Variants in HNRNPA2B1 observed in about 807,000 individuals in gnomAD.
The protein encoded by HNRNPA2B1 is heterogeneous nuclear ribonucleoproteins A2/B1.
A neutral mutation model predicts 46.3 loss-of-function variants in HNRNPA2B1; 3 were observed. That is an observed-to-expected ratio of 0.06 (90% CI 0.03 to 0.17). HNRNPA2B1 has a LOEUF of 0.17. Ranked by LOEUF, HNRNPA2B1 falls within the 10% of genes least tolerant of loss-of-function variation. The probability of loss-of-function intolerance (pLI) is 1.00; values close to 1 mark genes in which losing one functional copy is unlikely to be tolerated. For missense variants in HNRNPA2B1, 221 were observed against 418.9 expected (o/e 0.53, Z 4.12); for synonymous variants, 225 against 133.8 (o/e 1.68, Z -4.70).
chr7:26,197,756 ATTTT>A, intron 1 of HNRNPA2B1, 24 bp from the exon 2 acceptor site: 1 of 1,601,744 alleles, frequency 6.2e-7, no homozygotes, highest in Non-Finnish European at 8.5e-7. Context: ...TACCATTTCA[ATTTT>A]TATTTACATT....
intron 1 of HNRNPA2B1, chr7:26,199,110 C>G (rs1784041322): frequency 6.6e-6 from 1 of 152,394 alleles, no homozygotes; most frequent in African/African-American, 2.4e-5. Flanking sequence ...TAGGTTATCT[C>G]TAAACTGAAA....
At chr7:26,200,090 A>G (rs939096358) in intron 1 of HNRNPA2B1, 3 of 177,008 alleles carry the variant, frequency 1.7e-5, no homozygotes, top group South Asian at 1.0e-4. Context: ...CTAAGAAAAT[A>G]AAAGAGTTAT....
chr7:26,195,763 A>G, intron 7 of HNRNPA2B1, 84 bp downstream of exon 7: 1 of 1,463,332 alleles, frequency 6.8e-7, no homozygotes. Flanking sequence ...AAATGTTTAA[A>G]AACTCAAAAT....
At position 26,200,739 on chromosome 7, in the gene HNRNPA2B1, C is replaced by T. The variant is rs960051779; in HGVS notation, c.-162G>A. The T allele has an allele frequency of 1.2e-5, 10 of 855,616 alleles. No individual in the cohort carries two copies. Among genetic ancestry groups the T allele is most frequent in the Non-Finnish European group, 1.9e-5 (10 of 518,234 alleles). The allele number at this position is 855,616 out of a possible 1,614,324, so 53.0% of individuals were successfully genotyped here. On this transcript the variant is annotated 5_prime_UTR_variant, in exon 1 of 11. Coordinates refer to ENST00000618183, the MANE Select transcript of HNRNPA2B1 (RefSeq NM_002137.4). ...CACCTCCGCACGGGACCCGGCGCTG[C>T]TGCTACTGCCGCTAGAGCCGCTGCC...
rs1263491535 is a variant in HNRNPA2B1 at position 26,196,395 on chromosome 7, AC to A, written c.658+5del. On this transcript the variant is annotated splice_donor_5th_base_variant and intron_variant, in intron 6 of 10. Transcript: ENST00000618183. Reference sequence around the variant, plus strand: ...ATCCTTTAAACACGTAGAACTTGAAACTCACCAGATCCTCCTCTAAAGTTAC... The same window carrying A: ...ATCCTTTAAACACGTAGAACTTGAAATCACCAGATCCTCCTCTAAAGTTAC... 1 of 1,608,838 alleles carries A rather than the reference AC, an allele frequency of 6.2e-7. No homozygotes were observed. The highest frequency in any genetic ancestry group is 8.5e-7 in the Non-Finnish European group (1 of 1,175,922).
At chr7:26,196,093 G>A (rs1231718427) in intron 6 of HNRNPA2B1, among the ~76,000 whole-genome samples, 184 bp from the exon 7 acceptor site, 1 of 152,102 alleles carries the variant, frequency 6.6e-6, no homozygotes, top group Admixed American at 6.5e-5. Context: ...CTAAATTTTG[G>A]ACTCTTAACA....
chr7:26,198,407 T>C (rs1333839633), intron 1 of HNRNPA2B1: 1 of 152,416 alleles, frequency 6.6e-6, no homozygotes. Context: ...TTAATTTTTA[T>C]GACCAGCAGC....
chr7:26,196,151 T>C (rs900668287), intron 6 of HNRNPA2B1, among the ~76,000 whole-genome samples: 4 of 152,212 alleles, frequency 2.6e-5, no homozygotes, highest in Admixed American at 2.6e-4. Flanking sequence ...AGAATGACAC[T>C]TGATGGGGGT....
intron 7 of HNRNPA2B1, among the ~76,000 whole-genome samples, chr7:26,195,491 T>A (rs1156529498): frequency 6.6e-6 from 1 of 152,230 alleles, no homozygotes; most frequent in East Asian, 1.9e-4. Flanking sequence ...TTAGACATAT[T>A]TCATATTTTT....
intron 3 of HNRNPA2B1, 27 bp from the exon 4 acceptor site, chr7:26,197,044 T>A (rs1362180677): frequency 1.3e-6 from 2 of 1,555,306 alleles, no homozygotes; most frequent in Admixed American, 3.5e-5. Context: ...GTAAAAGTCA[T>A]CCAAACAGAA....
Position 26,196,504 on chromosome 7 carries a change from A to AAG in HNRNPA2B1, c.578-25_578-24dup, listed in dbSNP as rs768027896. ...TGCCTACAATAAATGCCCCAGTTAGAAGCAAGCCCTTATATATGAACAAAA... is the reference window on the plus strand; with the variant it reads ...TGCCTACAATAAATGCCCCAGTTAGAAGAGCAAGCCCTTATATATGAACAAAA... On this transcript the variant is annotated intron_variant, in intron 5 of 10. Coordinates refer to ENST00000618183, the MANE Select transcript of HNRNPA2B1 (RefSeq NM_002137.4). 3 of 1,613,816 alleles carry AAG rather than the reference A, an allele frequency of 1.9e-6. No individual in the cohort carries two copies. The South Asian group carries it at 3.3e-5, about 18-fold the overall frequency.
rs146782223 is a variant in HNRNPA2B1 at position 26,191,357 on chromosome 7, T to A, written c.*1003A>T. On this transcript the variant is annotated 3_prime_UTR_variant, in exon 11 of 11. Coordinates refer to ENST00000618183, the MANE Select transcript of HNRNPA2B1 (RefSeq NM_002137.4). ...TAAGAACCACTATACTGAAAGACCA[T>A]TTAAGAGTATTAGTTTATCTTTTAG... 1 of 152,122 alleles carries A rather than the reference T, an allele frequency of 6.6e-6. No individual in the cohort carries two copies. The highest frequency in any genetic ancestry group is 2.4e-5 in the African/African-American group (1 of 41,408). 9.4% of individuals were successfully genotyped at this position (152,122 alleles called of 1,614,324 possible).
In HNRNPA2B1 at chr7:26,196,606, C is replaced by T. The variant is rs1310351369; in HGVS notation, c.528G>A (p.Leu176=). Residue 176 remains leucine (L), a synonymous_variant, in exon 5 of 11, where the codon TTG becomes TTA. Transcript: ENST00000618183. ...NGHNAEVRKA[L]SRQEMQEVQS... ...GAACTTCCTGCATTTCTTGTCTAGA[C>T]AAAGCCTTTCTTACTTCTGCATTAT... is the stretch of plus-strand genomic sequence containing the variant. The T allele has an allele frequency of 1.2e-6, 2 of 1,614,122 alleles. No individual in the cohort carries two copies. The highest frequency in any genetic ancestry group is 3.3e-5 in the Admixed American group (2 of 60,020).
rs1173394508 is a variant in HNRNPA2B1, at chr7:26,191,099, G to A, written c.*1261C>T. 1 of 140,150 alleles carries A rather than the reference G, an allele frequency of 7.1e-6. No individual in the cohort carries two copies. The highest frequency in any genetic ancestry group is 2.7e-5 in the African/African-American group (1 of 37,702). The allele number at this position is 140,150 out of a possible 1,614,324, so 8.7% of individuals were successfully genotyped here. A position where few individuals can be genotyped will look rare whatever the true frequency, so the allele number is the denominator to read the frequency against. On this transcript the variant is annotated 3_prime_UTR_variant, in exon 11 of 11. Coordinates refer to ENST00000618183, the MANE Select transcript of HNRNPA2B1 (RefSeq NM_002137.4). Reference sequence around the variant, plus strand: ...GCACTTTACAGTCTTTGTGGCAGCAGAATATACTTGTCCATGGTTCATATC... The same window carrying A: ...GCACTTTACAGTCTTTGTGGCAGCAAAATATACTTGTCCATGGTTCATATC...
At chr7:26,193,218 A>G (rs1401609930) in intron 9 of HNRNPA2B1, 33 bp downstream of exon 9, 4 of 1,599,352 alleles carry the variant, frequency 2.5e-6, no homozygotes, top group East Asian at 2.2e-5. Context: ...TTTAATCACA[A>G]AAATCTGAAT....
intron 9 of HNRNPA2B1, among the ~76,000 whole-genome samples, chr7:26,192,779 T>C (rs1046062332): frequency 6.6e-6 from 1 of 152,212 alleles, no homozygotes; most frequent in African/African-American, 2.4e-5. Context: ...GACCCTATTC[T>C]TTTAAATAAA....
At chr7:26,196,154 A>T (rs1038540774) in intron 6 of HNRNPA2B1, among the ~76,000 whole-genome samples, 2 of 152,186 alleles carry the variant, frequency 1.3e-5, no homozygotes, top group Non-Finnish European at 2.9e-5. Flanking sequence ...ATGACACTTG[A>T]TGGGGGTCAA....
chr7:26,197,042 C>G, intron 3 of HNRNPA2B1, 25 bp from the exon 4 acceptor site: 1 of 1,558,964 alleles, frequency 6.4e-7, no homozygotes, highest in South Asian at 1.1e-5. Context: ...GGGTAAAAGT[C>G]ATCCAAACAG....
intron 1 of HNRNPA2B1, 83 bp downstream of exon 1, chr7:26,200,489 G>A (rs914444663): frequency 3.7e-5 from 51 of 1,394,732 alleles, no homozygotes; most frequent in Non-Finnish European, 4.5e-5. Context: ...TCTCTCCCAC[G>A]GAGGCGGCTG....
Sources: gnomAD v4.1 joint callset for allele counts (sites outside exome capture counted in the v4.1 genomes callset) on GRCh38, gnomAD v4.1.1 for gene constraint, MANE v1.5 for transcripts, NCBI Gene and HGNC (gene_info 2026-07-23, HGNC 2026-07-21) for gene names.